CPEB4: variants seen among roughly 807,000 people sequenced by gnomAD.
CPEB4 encodes the protein cytoplasmic polyadenylation element binding protein 4.
A neutral mutation model predicts 72.5 loss-of-function variants in CPEB4; 12 were observed. The ratio of observed to expected loss-of-function variants is 0.17; its 90% CI spans 0.11 to 0.27. The LOEUF is 0.27. Among genes scored for constraint, CPEB4 ranks in the 10% least tolerant of loss-of-function variants. The pLI is 1.00. For synonymous variants in CPEB4, 302 were observed against 326.3 expected, an observed-to-expected ratio of 0.93 and a Z score of 0.80; for missense variants, 614 against 908.5, an observed-to-expected ratio of 0.68 and a Z score of 4.17.
At chr5:173,896,674 T>C (rs1187965228) in intron 1 of CPEB4, among the ~76,000 whole-genome samples, 1 of 152,218 alleles carries the variant, frequency 6.6e-6, no homozygotes, top group East Asian at 1.9e-4. Flanking sequence ...AAAATGCATA[T>C]ATAAAGCTTT....
chr5:173,898,627 C>A (rs1277180108), intron 1 of CPEB4, among the ~76,000 whole-genome samples: 1 of 152,192 alleles, frequency 6.6e-6, no homozygotes. Flanking sequence ...AAATATAGCA[C>A]AATTTCTTAA....
chr5:173,929,305 C>A (rs1012230056), intron 2 of CPEB4, among the ~76,000 whole-genome samples: 2 of 152,122 alleles, frequency 1.3e-5, no homozygotes, highest in Non-Finnish European at 2.9e-5. Flanking sequence ...TTAAAAGATA[C>A]CCAAAACATG....
chr5:173,933,174 A>G (rs1581149854), intron 3 of CPEB4, among the ~76,000 whole-genome samples: 1 of 152,296 alleles, frequency 6.6e-6, no homozygotes, highest in Non-Finnish European at 1.5e-5. Flanking sequence ...TTTTCTACTA[A>G]TTTGCTATGG....
Position 173,911,363 on chromosome 5 carries a change from C to T in CPEB4, c.1207+759C>T, listed in dbSNP as rs567091729. Among the ~76,000 whole-genome samples the T allele has an allele frequency of 5.9e-5, 9 of 151,886 alleles. No individual in the cohort carries two copies. The South Asian group carries it at 1.2e-3, about 21-fold the overall frequency. ...CTGCAAGCTCCGCCTCCCAGGCTCA[C>T]GCCATTCTCCTGCCTCAGCCTCCCG... On this transcript the variant is annotated intron_variant, in intron 2 of 9. Transcript: ENST00000265085.
At chr5:173,893,387 CAGA>C (rs1453604400) in intron 1 of CPEB4, among the ~76,000 whole-genome samples, 49 of 151,970 alleles carry the variant, frequency 3.2e-4, no homozygotes, top group Admixed American at 3.2e-3. Flanking sequence ...GAGGCTGAGG[CAGA>C]AGGATTGCAT....
intron 3 of CPEB4, among the ~76,000 whole-genome samples, chr5:173,941,792 C>A (rs1413074699): frequency 6.6e-6 from 1 of 152,118 alleles, no homozygotes; most frequent in Non-Finnish European, 1.5e-5. Flanking sequence ...GCACGAGAAT[C>A]GCTTGAACCC....
At chr5:173,921,186 GA>G (rs1757060195) in intron 2 of CPEB4, among the ~76,000 whole-genome samples, 1 of 152,086 alleles carries the variant, frequency 6.6e-6, no homozygotes, top group Non-Finnish European at 1.5e-5. Flanking sequence ...CTGATATTAA[GA>G]TTTTTTTTTG....
chr5:173,920,519 T>C (rs1376905963), intron 2 of CPEB4, among the ~76,000 whole-genome samples: 1 of 152,224 alleles, frequency 6.6e-6, no homozygotes, highest in Non-Finnish European at 1.5e-5. Context: ...TGATCGGAAG[T>C]TGTTAGCATA....
intron 1 of CPEB4, among the ~76,000 whole-genome samples, chr5:173,899,915 T>C (rs1581110652): frequency 6.6e-6 from 1 of 152,136 alleles, no homozygotes; most frequent in African/African-American, 2.4e-5. Context: ...CACTGGCCAG[T>C]GACCTCCTCT....
chr5:173,948,639 G>C (rs1758116441), intron 5 of CPEB4, among the ~76,000 whole-genome samples: 1 of 152,128 alleles, frequency 6.6e-6, no homozygotes, highest in South Asian at 2.1e-4. Flanking sequence ...TCTTAAATCT[G>C]TTCAGGTTGC....
At position 173,888,529 on chromosome 5, in the gene CPEB4, G is replaced by A. The variant is rs1755690049; in HGVS notation, c.-1205G>A. The A allele has an allele frequency of 7.4e-6, 3 of 404,732 alleles. No individual in the cohort carries two copies. Among genetic ancestry groups the A allele is most frequent in the South Asian group, 2.2e-4 (2 of 9,022 alleles). The allele number at this position is 404,732 out of a possible 1,614,324, so 25.1% of individuals were successfully genotyped here. ...AACGACAGCGGGGACTGCGGGACCA[G>A]GGTAAAGCGGCGACGGCGGCGACGG... On this transcript the variant is annotated 5_prime_UTR_variant, in exon 1 of 10. Transcript: ENST00000265085. This position sits in a 1 kb window ranked among gnomAD's most constrained non-coding sequence, Gnocchi z 4.3.
intron 2 of CPEB4, among the ~76,000 whole-genome samples, chr5:173,915,499 C>T (rs1452860251): frequency 1.3e-5 from 2 of 152,112 alleles, no homozygotes; most frequent in Non-Finnish European, 2.9e-5. Context: ...CCATAACCAA[C>T]ACCAGTGACA....
In CPEB4 at chr5:173,890,028, A is replaced by G. The variant is rs762984580; in HGVS notation, c.295A>G (p.Ser99Gly). 1.5e-5 allele frequency: 25 copies of G among 1,614,222 alleles called. 2 individuals carry two copies. The South Asian group carries it at 2.6e-4, about 17-fold the overall frequency. Residue 99 changes from serine to glycine, a missense_variant, in exon 1 of 10, where the codon AGT becomes GGT. Ser to Gly is a moderately conservative substitution (Grantham distance 56, BLOSUM62 0). Transcript: ENST00000265085. ...CTTAGAAAAGCAGCAGCTTTCCCCA[A>G]GTCCAGGTCAGGAAGCTGGAATACT... Reference protein sequence around the residue: ...DPLEKQQLSPSPGQEAGILPE... With the variant: ...DPLEKQQLSPGPGQEAGILPE...
Position 173,960,395 on chromosome 5 carries a change from T to C in CPEB4, c.*4258T>C, listed in dbSNP as rs1016039613. The C allele has an allele frequency of 6.5e-6, 1 of 152,678 alleles. No individual in the cohort carries two copies. 9.5% of individuals were successfully genotyped at this position (152,678 alleles called of 1,614,324 possible). On this transcript the variant is annotated 3_prime_UTR_variant, in exon 10 of 10. Transcript: ENST00000265085. ...ATGTAACATTTTAAAATATTAGGAA[T>C]ATACTGTTCAGCTAATGCAGCACAA...
chr5:173,912,701 G>T (rs1756705640), intron 2 of CPEB4, among the ~76,000 whole-genome samples: 1 of 149,984 alleles, frequency 6.7e-6, no homozygotes, highest in African/African-American at 2.5e-5. Context: ...TTGGGAGGCT[G>T]AGGTAGAGGA....
At chr5:173,895,475 G>A (rs1337182748) in intron 1 of CPEB4, among the ~76,000 whole-genome samples, 2 of 152,284 alleles carry the variant, frequency 1.3e-5, no homozygotes, top group East Asian at 3.9e-4. Flanking sequence ...GGAAACAAGT[G>A]TCTAGATCCT....
chr5:173,889,627 T>C lies in CPEB4; in HGVS notation c.-107T>C. On this transcript the variant is annotated 5_prime_UTR_variant, in exon 1 of 10. Coordinates refer to ENST00000265085, the MANE Select transcript of CPEB4 (RefSeq NM_030627.4). ...CTTTGAGCTAGCTATAAATAAGACA[T>C]TTCAAGCAAGCAAGCAAACAACTTA... is the stretch of plus-strand genomic sequence containing the variant. 1 of 968,164 alleles carries C rather than the reference T, an allele frequency of 1.0e-6. No individual in the cohort carries two copies. Among genetic ancestry groups the C allele is most frequent in the Non-Finnish European group, 1.6e-6 (1 of 640,758 alleles). The allele number at this position is 968,164 out of a possible 1,614,324, so 60.0% of individuals were successfully genotyped here.
chr5:173,933,571 T>C (rs757061149), intron 3 of CPEB4, among the ~76,000 whole-genome samples: 2 of 152,208 alleles, frequency 1.3e-5, no homozygotes, highest in Admixed American at 1.3e-4. Context: ...TAATGTAATA[T>C]TCTAGCATAA....
intron 2 of CPEB4, among the ~76,000 whole-genome samples, chr5:173,926,152 T>C (rs1163226592): frequency 6.6e-6 from 1 of 152,234 alleles, no homozygotes; most frequent in African/African-American, 2.4e-5. Context: ...GGTGTTTGTG[T>C]GTTTGAAATG....
Sources: gnomAD v4.1 joint callset for allele counts (sites outside exome capture counted in the v4.1 genomes callset) on GRCh38, gnomAD v4.1.1 for gene constraint, Gnocchi (gnomAD v3.1) non-coding constraint, MANE v1.5 for transcripts, NCBI Gene and HGNC (gene_info 2026-07-23, HGNC 2026-07-21) for gene names.